The following TRPC4 variants were observed in gnomAD, a reference collection of about 807,000 sequenced individuals.
TRPC4 encodes the protein transient receptor potential cation channel subfamily C member 4, also known as short transient receptor potential channel 4.
In TRPC4, 49 loss-of-function variants were observed where a neutral mutation model predicts 99.4. That is an observed-to-expected ratio of 0.49 (90% CI 0.39 to 0.63). The LOEUF (loss-of-function observed/expected upper bound fraction) is 0.63. Ranked by LOEUF, TRPC4 falls within the 20% of genes least tolerant of loss-of-function variation. The pLI, the probability that TRPC4 is intolerant of heterozygous loss-of-function variation, is 0.00. For missense variants in TRPC4, 898 were observed against 1,152.9 expected (o/e 0.78, Z 3.20); for synonymous variants, 454 against 425.9 (o/e 1.07, Z -0.81).
chr13:37,825,578 C>A (rs1478557632), intron 1 of TRPC4, among the ~76,000 whole-genome samples: 1 of 147,438 alleles, frequency 6.8e-6, no homozygotes, highest in African/African-American at 2.5e-5. Context: ...TGTAGTCCAG[C>A]GGTTTTGAGT....
chr13:37,858,239 G>A (rs1959190476), intron 1 of TRPC4, among the ~76,000 whole-genome samples: 1 of 151,630 alleles, frequency 6.6e-6, no homozygotes, highest in African/African-American at 2.4e-5. Flanking sequence ...CAGTTAAAAT[G>A]GCTTCTATTC....
intron 1 of TRPC4, among the ~76,000 whole-genome samples, chr13:37,848,544 C>T (rs1020089557): frequency 6.6e-6 from 1 of 152,074 alleles, no homozygotes; most frequent in Non-Finnish European, 1.5e-5. Flanking sequence ...AATCAAGTTG[C>T]AGACAGAAGT....
chr13:37,678,286 T>A (rs1452303272), intron 4 of TRPC4, among the ~76,000 whole-genome samples: 1 of 151,886 alleles, frequency 6.6e-6, no homozygotes, highest in Non-Finnish European at 1.5e-5. Flanking sequence ...ATCAATAAAA[T>A]CTGAAACATA....
chr13:37,806,240 C>T (rs1255148643), intron 1 of TRPC4, among the ~76,000 whole-genome samples: 1 of 152,012 alleles, frequency 6.6e-6, no homozygotes, highest in Admixed American at 6.6e-5. Context: ...AAACAATTAA[C>T]AATATCACCT....
At position 37,668,108 on chromosome 13, in the gene TRPC4, T is replaced by C. The variant is rs149632784; in HGVS notation, c.1375-4379A>G. 1.7e-3 allele frequency among the ~76,000 whole-genome samples: 263 copies of C among 152,332 alleles called. 1 individual carries two copies. The highest frequency in any genetic ancestry group is 3.1e-3 in the Non-Finnish European group (210 of 68,030). ...CTGATCAGAGCTGACAGCTCCGTGT[T>C]GTAAAGTAATCCTTTAGGAAGAAAT... On this transcript the variant is annotated intron_variant, in intron 5 of 10. Coordinates refer to ENST00000379705, the MANE Select transcript of TRPC4 (RefSeq NM_016179.4).
At chr13:37,697,860 A>T (rs914861) in intron 3 of TRPC4, among the ~76,000 whole-genome samples, 133,667 of 152,192 alleles carry the variant, frequency 0.88, 58,918 homozygotes, top group Middle Eastern at 0.95. Flanking sequence ...TGATAAATAT[A>T]CAAAGAGTAG....
chr13:37,642,720 A>ACGATTCTT (rs1433712514), intron 8 of TRPC4, among the ~76,000 whole-genome samples: 1 of 140,570 alleles, frequency 7.1e-6, no homozygotes, highest in Non-Finnish European at 1.5e-5. Flanking sequence ...ATATGGAAAT[A>ACGATTCTT]TGATTCTTTC....
Position 37,633,560 on chromosome 13 carries a change from C to T in TRPC4, c.*3343G>A, listed in dbSNP as rs1264988062. ...GCTATTGTTACTTATGTTTCCTCCA[C>T]CTTTGCTAGAAAATTGACTTTGCTT... On this transcript the variant is annotated 3_prime_UTR_variant, in exon 11 of 11. Transcript: ENST00000379705. 6.6e-6 allele frequency among the ~76,000 whole-genome samples: 1 copy of T among 152,108 alleles called. No individual in the cohort carries two copies. Among genetic ancestry groups the T allele is most frequent in the African/African-American group, 2.4e-5 (1 of 41,430 alleles).
intron 1 of TRPC4, among the ~76,000 whole-genome samples, chr13:37,812,436 C>G (rs1957730127): frequency 6.6e-6 from 1 of 151,772 alleles, no homozygotes; most frequent in African/African-American, 2.4e-5. Context: ...AGAAAAGCTA[C>G]ATTATGACAG....
chr13:37,767,810 A>G (rs1956424234), intron 2 of TRPC4, among the ~76,000 whole-genome samples: 1 of 151,264 alleles, frequency 6.6e-6, no homozygotes, highest in South Asian at 2.1e-4. Flanking sequence ...TCCCAAAACT[A>G]TTACTTAGTA....
chr13:37,697,921 A>G (rs1246565723), intron 3 of TRPC4, among the ~76,000 whole-genome samples: 2 of 152,228 alleles, frequency 1.3e-5, no homozygotes, highest in South Asian at 2.1e-4. Context: ...TAAGAAATAT[A>G]CAGCTGACCT....
At chr13:37,772,042 C>A (rs79300497) in intron 2 of TRPC4, among the ~76,000 whole-genome samples, 1 of 151,530 alleles carries the variant, frequency 6.6e-6, no homozygotes, top group Non-Finnish European at 1.5e-5. Flanking sequence ...TGCCCAGGCA[C>A]GTCAAATCAA....
intron 2 of TRPC4, among the ~76,000 whole-genome samples, chr13:37,748,650 T>C (rs1257012667): frequency 4.6e-5 from 7 of 151,666 alleles, no homozygotes; most frequent in Non-Finnish European, 1.0e-4. Context: ...ATGGCTTGGC[T>C]TTATGTCTCC....
chr13:37,662,773 C>A (rs1952489282), intron 6 of TRPC4, among the ~76,000 whole-genome samples: 1 of 152,188 alleles, frequency 6.6e-6, no homozygotes. Flanking sequence ...AGCTGTGTGA[C>A]CATCAGACAC....
At chr13:37,853,986 A>G (rs530737465) in intron 1 of TRPC4, among the ~76,000 whole-genome samples, 92 of 152,276 alleles carry the variant, frequency 6.0e-4, no homozygotes, top group Non-Finnish European at 7.4e-4. Flanking sequence ...GAGGAAGTAG[A>G]GAAAGAGATA....
At chr13:37,783,451 A>C in intron 1 of TRPC4, 91 bp from the exon 2 acceptor site, 2 of 985,774 alleles carry the variant, frequency 2.0e-6, no homozygotes, top group Non-Finnish European at 2.8e-6. Flanking sequence ...AGTGATATCA[A>C]TAACAACAAT....
intron 1 of TRPC4, among the ~76,000 whole-genome samples, chr13:37,818,082 T>C (rs1957909244): frequency 6.6e-6 from 1 of 151,560 alleles, no homozygotes; most frequent in Non-Finnish European, 1.5e-5. Flanking sequence ...AGAAAATGAT[T>C]AATAGCGTGA....
chr13:37,688,225 C>T (rs1035437123), intron 4 of TRPC4, among the ~76,000 whole-genome samples: 22 of 152,180 alleles, frequency 1.4e-4, no homozygotes, highest in South Asian at 4.2e-4. Context: ...TTGCTGACAC[C>T]GTGGCAGAGG....
intron 8 of TRPC4, among the ~76,000 whole-genome samples, chr13:37,650,112 A>T (rs4943526): frequency 0.05 from 7,653 of 152,330 alleles, 369 homozygotes; most frequent in Admixed American, 0.14. Flanking sequence ...AGAAAGCTCC[A>T]TTTGGTGCTG....
Sources: allele counts gnomAD v4.1 joint callset (sites outside exome capture counted in the v4.1 genomes callset), GRCh38; gene constraint gnomAD v4.1.1; transcripts MANE v1.5; gene names NCBI Gene and HGNC (gene_info 2026-07-23, HGNC 2026-07-21).